Variants in SRPK2 observed in about 807,000 individuals in gnomAD.
The protein encoded by SRPK2 is SRSF protein kinase 2, also known as SFRS protein kinase 2.
Under a neutral mutation model 90.8 loss-of-function variants are expected in SRPK2, and 21 were observed. That is an observed-to-expected ratio of 0.23 (90% CI 0.16 to 0.33). SRPK2 has a LOEUF of 0.33. Ranked by LOEUF, SRPK2 falls within the 10% of genes least tolerant of loss-of-function variation. The probability of loss-of-function intolerance (pLI) is 1.00; values close to 1 mark genes in which losing one functional copy is unlikely to be tolerated. For synonymous variants in SRPK2, 288 were observed against 311.1 expected, an observed-to-expected ratio of 0.93 and a Z score of 0.78; for missense variants, 620 against 869.0, an observed-to-expected ratio of 0.71 and a Z score of 3.60.
intron 2 of SRPK2, among the ~76,000 whole-genome samples, chr7:105,263,474 C>T (rs1412385420): frequency 6.6e-6 from 1 of 152,086 alleles, no homozygotes; most frequent in Non-Finnish European, 1.5e-5. Context: ...TACAACTACA[C>T]ACAACAATAT....
intron 2 of SRPK2, among the ~76,000 whole-genome samples, chr7:105,307,230 A>G (rs1811240344): frequency 2.0e-5 from 3 of 152,236 alleles, no homozygotes; most frequent in South Asian, 4.1e-4. Flanking sequence ...AAAATTTAGA[A>G]GTACAAATGC....
At chr7:105,235,484 A>ATGTG (rs1563123459) in intron 2 of SRPK2, among the ~76,000 whole-genome samples, 24 of 148,528 alleles carry the variant, frequency 1.6e-4, no homozygotes, top group African/African-American at 5.5e-4. Flanking sequence ...GTGTGTGTGC[A>ATGTG]TGTGCATGCA....
chr7:105,227,791 C>T (rs1033725951), intron 2 of SRPK2, among the ~76,000 whole-genome samples: 2 of 145,412 alleles, frequency 1.4e-5, no homozygotes, highest in African/African-American at 5.1e-5. Context: ...TGTTCAGTCA[C>T]AATATTCAGA....
In SRPK2 at chr7:105,388,782, G is replaced by C; in HGVS notation, c.16+9C>G. 1 of 1,506,352 alleles carries C rather than the reference G, an allele frequency of 6.6e-7. No individual in the cohort carries two copies. Among genetic ancestry groups the C allele is most frequent in the Non-Finnish European group, 8.9e-7 (1 of 1,124,934 alleles). The allele number at this position is 1,506,352 out of a possible 1,614,324, so 93.3% of individuals were successfully genotyped here. The stretch of plus-strand genomic sequence containing the variant: ...GTGGCGGGGAGAGGGCGCGCCGCGG[G>C]CCACTCACCTTTCCGGGAGCTCATT... On this transcript the variant is annotated intron_variant, in intron 1 of 15. Coordinates refer to ENST00000393651, the MANE Select transcript of SRPK2 (RefSeq NM_182692.3).
intron 3 of SRPK2, among the ~76,000 whole-genome samples, chr7:105,180,059 T>C (rs1279405725): frequency 6.6e-6 from 1 of 152,102 alleles, no homozygotes; most frequent in Non-Finnish European, 1.5e-5. Flanking sequence ...AATGGCATTC[T>C]TCACAGAATT....
chr7:105,132,198 C>T (rs1480253229), intron 13 of SRPK2, among the ~76,000 whole-genome samples: 1 of 152,234 alleles, frequency 6.6e-6, no homozygotes, highest in Non-Finnish European at 1.5e-5. Context: ...GTGGGCGTTG[C>T]TGCCACTGTT....
At chr7:105,293,817 G>A (rs1585577569) in intron 2 of SRPK2, among the ~76,000 whole-genome samples, 1 of 152,252 alleles carries the variant, frequency 6.6e-6, no homozygotes, top group East Asian at 1.9e-4. Context: ...CCAGAACTGG[G>A]CCCCAGATCT....
chr7:105,347,844 G>A lies in SRPK2; in HGVS notation c.71+40804C>T, dbSNP rs557629244. 7.4e-5 allele frequency among the ~76,000 whole-genome samples: 11 copies of A among 148,548 alleles called. No individual in the cohort carries two copies. In the East Asian group the frequency reaches 1.8e-3, roughly 24 times the overall value. ...TACACTCCAGCCTGGGTGACAGGGCGAGACTCCGTCTCAAAAAAAAAAAAA... is the reference window on the plus strand; with the variant it reads ...TACACTCCAGCCTGGGTGACAGGGCAAGACTCCGTCTCAAAAAAAAAAAAA... On this transcript the variant is annotated intron_variant, in intron 2 of 15. Transcript: ENST00000393651.
chr7:105,228,627 TAACACCCTCTCTCAGGCCTCGG>T (rs987454692), intron 2 of SRPK2, among the ~76,000 whole-genome samples: 5 of 152,184 alleles, frequency 3.3e-5, no homozygotes, highest in African/African-American at 1.2e-4. Flanking sequence ...GAGAGCAGTG[TAACACCCTCTCTCAGGCCTCGG>T]GGTCACGGGC....
At chr7:105,147,843 G>A (rs1433520489) in intron 7 of SRPK2, among the ~76,000 whole-genome samples, 1 of 152,020 alleles carries the variant, frequency 6.6e-6, no homozygotes, top group Non-Finnish European at 1.5e-5. Flanking sequence ...TTAGTACTTC[G>A]CTTATTCTTA....
intron 2 of SRPK2, among the ~76,000 whole-genome samples, chr7:105,337,367 T>A (rs1423415622): frequency 6.7e-6 from 1 of 150,350 alleles, no homozygotes; most frequent in African/African-American, 2.5e-5. Flanking sequence ...CAGGCTGGAG[T>A]GCAATGGCAC....
chr7:105,186,283 T>C (rs983515302), intron 3 of SRPK2, among the ~76,000 whole-genome samples: 1 of 152,196 alleles, frequency 6.6e-6, no homozygotes, highest in Non-Finnish European at 1.5e-5. Flanking sequence ...GCTTCCGGTA[T>C]ACCCATCAAC....
chr7:105,154,357 T>C (rs1427889383), intron 7 of SRPK2, among the ~76,000 whole-genome samples: 1 of 152,198 alleles, frequency 6.6e-6, no homozygotes, highest in Non-Finnish European at 1.5e-5. Flanking sequence ...TGCACTACCA[T>C]GCTGAACAAA....
intron 2 of SRPK2, among the ~76,000 whole-genome samples, chr7:105,366,891 C>T (rs576049444): frequency 1.7e-4 from 26 of 152,194 alleles, no homozygotes; most frequent in African/African-American, 6.3e-4. Context: ...TTCTAAGATG[C>T]ATATCAAGCA....
At chr7:105,123,658 C>T (rs1171896321) in intron 15 of SRPK2, among the ~76,000 whole-genome samples, 4 of 152,162 alleles carry the variant, frequency 2.6e-5, no homozygotes, top group Non-Finnish European at 4.4e-5. Context: ...CCATTCCCCT[C>T]ATCCTAAGAG....
Position 105,388,721 on chromosome 7 carries a change from A to G in SRPK2, c.17-19T>C. The G allele has an allele frequency of 6.4e-7, 1 of 1,564,062 alleles. No homozygotes were observed. The highest frequency in any genetic ancestry group is 8.7e-7 in the Non-Finnish European group (1 of 1,153,878). Reference sequence around the variant, plus strand: ...GCCAGCACTGGGGAAGAGAAGACACACATTAACGGTCGGGCCGCCCGCCCG... The same window carrying G: ...GCCAGCACTGGGGAAGAGAAGACACGCATTAACGGTCGGGCCGCCCGCCCG... On this transcript the variant is annotated intron_variant, in intron 1 of 15. Transcript: ENST00000393651.
In SRPK2 at chr7:105,290,197, C is replaced by CAAA. The variant is rs56311004; in HGVS notation, c.72-86415_72-86413dup. ...AACTAACACAGAGACACAGGCTCTT[C>CAAA]AAAAAAAAAAAAAAAATGGCACAAA... is the stretch of plus-strand genomic sequence containing the variant. On this transcript the variant is annotated intron_variant, in intron 2 of 15. Transcript: ENST00000393651. 3.0e-5 allele frequency among the ~76,000 whole-genome samples: 4 copies of CAAA among 133,830 alleles called. 1 individual carries two copies. The highest frequency in any genetic ancestry group is 7.4e-5 in the Admixed American group (1 of 13,554). The allele number at this position is 133,830 out of a possible 152,430, so 87.8% of individuals were successfully genotyped here.
At chr7:105,337,985 GGTGCC>G (rs1815302960) in intron 2 of SRPK2, among the ~76,000 whole-genome samples, 1 of 151,486 alleles carries the variant, frequency 6.6e-6, no homozygotes, top group Non-Finnish European at 1.5e-5. Context: ...GTTAAATTTA[GGTGCC>G]AAGTACTTAG....
intron 2 of SRPK2, among the ~76,000 whole-genome samples, chr7:105,225,718 T>C (rs185577262): frequency 9.9e-5 from 15 of 152,194 alleles, no homozygotes; most frequent in African/African-American, 3.1e-4. Flanking sequence ...GTAGAGAAAA[T>C]AGTAAATAAA....
Sources: gnomAD v4.1 joint callset for allele counts (sites outside exome capture counted in the v4.1 genomes callset) on GRCh38, gnomAD v4.1.1 for gene constraint, MANE v1.5 for transcripts, NCBI Gene and HGNC (gene_info 2026-07-23, HGNC 2026-07-21) for gene names.